Variants in MOSMO observed in about 807,000 individuals in gnomAD.
MOSMO encodes the protein modulator of smoothened protein.
A neutral mutation model predicts 18.4 loss-of-function variants in MOSMO; 5 were observed. The ratio of observed to expected loss-of-function variants is 0.27; its 90% confidence interval spans 0.14 to 0.57. The LOEUF (loss-of-function observed/expected upper bound fraction) is 0.57. Among genes scored for constraint, MOSMO ranks in the 20% least tolerant of loss-of-function variants. The pLI is 0.92. For synonymous variants in MOSMO, 82 were observed against 82.3 expected, an observed-to-expected ratio of 1.00 and a Z score of 0.02; for missense variants, 138 against 211.8, an observed-to-expected ratio of 0.65 and a Z score of 2.16.
chr16:22,075,954 A>T, intron 2 of MOSMO: 1 of 373,594 alleles, frequency 2.7e-6, no homozygotes, highest in South Asian at 2.5e-5. Flanking sequence ...AGATTGTGAC[A>T]TAAGTGTTCC....
intron 1 of MOSMO, among the ~76,000 whole-genome samples, chr16:22,014,329 G>A (rs1345222166): frequency 1.3e-5 from 2 of 152,144 alleles, no homozygotes; most frequent in Non-Finnish European, 2.9e-5. Context: ...ATAAAATCGG[G>A]AATAAGGAGA....
chr16:22,074,219 G>A (rs769272221), intron 1 of MOSMO, among the ~76,000 whole-genome samples: 18 of 152,244 alleles, frequency 1.2e-4, no homozygotes, highest in Non-Finnish European at 2.2e-4. Flanking sequence ...ACATTTGTTC[G>A]TGGCAAGTGC....
At chr16:22,037,314 G>A (rs776019899) in intron 1 of MOSMO, among the ~76,000 whole-genome samples, 14 of 152,236 alleles carry the variant, frequency 9.2e-5, no homozygotes, top group East Asian at 3.9e-4. Flanking sequence ...TAGAAGCCAC[G>A]GGAAAATGTA....
downstream of MOSMO, among the ~76,000 whole-genome samples, chr16:22,091,597 C>T (rs1043228949): frequency 6.6e-6 from 1 of 152,112 alleles, no homozygotes; most frequent in African/African-American, 2.4e-5. Flanking sequence ...CACTGTGTTG[C>T]CCAAGCTGAT....
intron 1 of MOSMO, among the ~76,000 whole-genome samples, chr16:22,060,003 T>C (rs1418235558): frequency 6.6e-6 from 1 of 151,914 alleles, no homozygotes; most frequent in African/African-American, 2.4e-5. Flanking sequence ...ATGGTGAAAA[T>C]GTGTCTCTAC....
chr16:22,078,937 A>G (rs1009162543), intron 2 of MOSMO, among the ~76,000 whole-genome samples: 2 of 152,224 alleles, frequency 1.3e-5, no homozygotes, highest in Non-Finnish European at 2.9e-5. Flanking sequence ...AAAAAATCCA[A>G]GTTTGCTTAT....
intron 1 of MOSMO, among the ~76,000 whole-genome samples, chr16:22,069,635 A>T (rs1016535380): frequency 6.6e-6 from 1 of 152,236 alleles, no homozygotes; most frequent in African/African-American, 2.4e-5. Context: ...AATGTTAAGC[A>T]TCCATTAGAG....
In MOSMO at chr16:22,081,064, TAAAA is replaced by T. The variant is rs199921661; in HGVS notation, c.*198_*201del. The T allele has an allele frequency of 5.9e-4, 105 of 177,124 alleles. No homozygotes were observed. The highest frequency in any genetic ancestry group is 1.2e-3 in the East Asian group (12 of 9,606). 11.0% of individuals were successfully genotyped at this position (177,124 alleles called of 1,614,324 possible). A position where few individuals can be genotyped will look rare whatever the true frequency, so the allele number is the denominator to read the frequency against. The stretch of plus-strand genomic sequence containing the variant: ...TTGTTCTCACTATGCACTTTGGATT[TAAAA>T]AAAAAAAAAAAAAGGAGAGCCTTTT... On this transcript the variant is annotated 3_prime_UTR_variant, in exon 3 of 3. Coordinates refer to ENST00000542527, the MANE Select transcript of MOSMO (RefSeq NM_001164579.2).
chr16:22,024,828 A>G (rs1384176439), intron 1 of MOSMO, among the ~76,000 whole-genome samples: 1 of 152,086 alleles, frequency 6.6e-6, no homozygotes, highest in East Asian at 1.9e-4. Context: ...GGCTAACAGG[A>G]CAGACTGTAG....
intron 1 of MOSMO, among the ~76,000 whole-genome samples, chr16:22,024,015 A>ATATATATATATATATT (rs915616422): frequency 7.3e-6 from 1 of 136,360 alleles, no homozygotes; most frequent in South Asian, 2.4e-4. Flanking sequence ...ATATATATAT[A>ATATATATATATATATT]TTTTCTTAAG....
downstream of MOSMO, among the ~76,000 whole-genome samples, chr16:22,089,249 G>A (rs1901246707): frequency 6.6e-6 from 1 of 152,034 alleles, no homozygotes; most frequent in Non-Finnish European, 1.5e-5. Context: ...AAAATTTTTT[G>A]TAGAGATGGG....
chr16:22,009,924 G>C (rs1899488507), intron 1 of MOSMO, among the ~76,000 whole-genome samples: 1 of 151,450 alleles, frequency 6.6e-6, no homozygotes, highest in Admixed American at 6.6e-5. Flanking sequence ...CCGGGAGGCA[G>C]AGGTTGCAGT....
downstream of MOSMO, chr16:22,085,973 T>C (rs1179700427): frequency 6.6e-6 from 1 of 152,162 alleles, no homozygotes; most frequent in Admixed American, 6.5e-5. Context: ...CAGTGCTGGA[T>C]GAAATGTCAA....
intron 1 of MOSMO, among the ~76,000 whole-genome samples, chr16:22,032,431 A>G (rs557131603): frequency 6.6e-6 from 1 of 151,994 alleles, no homozygotes; most frequent in Admixed American, 6.5e-5. Flanking sequence ...GCCTCAAGTG[A>G]TCCACTCGCC....
chr16:22,011,155 T>C, intron 1 of MOSMO, among the ~76,000 whole-genome samples: 1 of 152,166 alleles, frequency 6.6e-6, no homozygotes, highest in East Asian at 1.9e-4. Flanking sequence ...TGATGCGTCG[T>C]GGAAGTTGAT....
At chr16:22,069,285 A>G (rs1259825304) in intron 1 of MOSMO, among the ~76,000 whole-genome samples, 1 of 152,200 alleles carries the variant, frequency 6.6e-6, no homozygotes, top group Admixed American at 6.5e-5. Flanking sequence ...TGTGTATAAT[A>G]TAAGGAGATA....
chr16:22,079,351 G>A (rs1901034463), intron 2 of MOSMO, among the ~76,000 whole-genome samples: 1 of 152,178 alleles, frequency 6.6e-6, no homozygotes, highest in Non-Finnish European at 1.5e-5. Flanking sequence ...AAGTATTTCT[G>A]CCTCCAGAGA....
rs1385828438 is a variant in MOSMO, at chr16:22,008,186, A to G, written c.-116A>G. The G allele has an allele frequency of 4.0e-6, 1 of 248,410 alleles. No homozygotes were observed. The highest frequency in any genetic ancestry group is 2.8e-5 in the African/African-American group (1 of 35,304). The allele number at this position is 248,410 out of a possible 1,614,324, so 15.4% of individuals were successfully genotyped here. A position where few individuals can be genotyped will look rare whatever the true frequency, so the allele number is the denominator to read the frequency against. ...GGGCGCGAGCGGCGCGCGGGGGCCGAGGGGGCGCGAGGCAGCGGCGCGGGG... is the reference window on the plus strand; with the variant it reads ...GGGCGCGAGCGGCGCGCGGGGGCCGGGGGGGCGCGAGGCAGCGGCGCGGGG... On this transcript the variant is annotated 5_prime_UTR_variant, in exon 1 of 3. Transcript: ENST00000542527.
chr16:22,014,884 T>C (rs1408835321), intron 1 of MOSMO, among the ~76,000 whole-genome samples: 1 of 152,246 alleles, frequency 6.6e-6, no homozygotes, highest in Admixed American at 6.5e-5. Flanking sequence ...TAATAATATT[T>C]CTTCATTGGC....
Sources: allele counts gnomAD v4.1 joint callset (sites outside exome capture counted in the v4.1 genomes callset), GRCh38; gene constraint gnomAD v4.1.1; transcripts MANE v1.5; gene names NCBI Gene and HGNC (gene_info 2026-07-23, HGNC 2026-07-21).